The following AFF3 variants were observed in gnomAD, a reference collection of about 807,000 sequenced individuals.
AFF3 encodes ALF transcription elongation factor 3.
In AFF3, 32 loss-of-function variants were observed where a neutral mutation model predicts 129.7. The ratio of observed to expected loss-of-function variants is 0.25; its 90% confidence interval spans 0.19 to 0.33. The LOEUF is 0.33. AFF3 is among the 10% of genes least tolerant of loss of function. AFF3 has a pLI of 1.00. For missense variants in AFF3, 1,373 were observed against 1,592.0 expected (o/e 0.86, Z 2.34); for synonymous variants, 644 against 635.4 (o/e 1.01, Z -0.20).
At chr2:100,005,097 CA>C (rs1282550236) in intron 7 of AFF3, among the ~76,000 whole-genome samples, 3 of 152,126 alleles carry the variant, frequency 2.0e-5, no homozygotes, top group African/African-American at 7.2e-5. Context: ...CTCTGCTAAC[CA>C]GACACCATAC....
At chr2:99,560,314 T>A (rs1361963212) in intron 21 of AFF3, 51 bp downstream of exon 21, 2 of 1,584,582 alleles carry the variant, frequency 1.3e-6, no homozygotes. Flanking sequence ...GGTTTGCCAA[T>A]GATGGCATGC....
chr2:99,912,847 C>T (rs186534573), intron 7 of AFF3, among the ~76,000 whole-genome samples: 21 of 152,310 alleles, frequency 1.4e-4, no homozygotes, highest in Admixed American at 7.8e-4. Context: ...CTTTGTTACA[C>T]GGCAATAGCT....
intron 1 of AFF3, among the ~76,000 whole-genome samples, chr2:100,135,760 G>C (rs1291044112): frequency 6.6e-6 from 1 of 152,186 alleles, no homozygotes; most frequent in Non-Finnish European, 1.5e-5. Context: ...CATATATTTT[G>C]ACTTAAGTGT....
chr2:99,970,505 G>A (rs1248585384), intron 7 of AFF3, among the ~76,000 whole-genome samples: 1 of 152,260 alleles, frequency 6.6e-6, no homozygotes, highest in South Asian at 2.1e-4. Flanking sequence ...TTCATGAGCT[G>A]GCTCAAATTC....
intron 9 of AFF3, among the ~76,000 whole-genome samples, chr2:99,745,121 A>G (rs79702182): frequency 0.027 from 4,073 of 152,262 alleles, 96 homozygotes; most frequent in Non-Finnish European, 0.04. Context: ...GTATTTCCCT[A>G]ATAACTAATG....
chr2:99,915,884 A>AAATATAAAAATATATTTTTTT (rs1469810524), intron 7 of AFF3, among the ~76,000 whole-genome samples: 1 of 152,224 alleles, frequency 6.6e-6, no homozygotes, highest in East Asian at 1.9e-4. Context: ...TCCTGCAAAA[A>AAATATAAAAATATATTTTTTT]ATATAAAACT....
intron 11 of AFF3, among the ~76,000 whole-genome samples, chr2:99,704,166 G>A (rs1295923788): frequency 6.6e-6 from 1 of 152,088 alleles, no homozygotes; most frequent in Non-Finnish European, 1.5e-5. Flanking sequence ...GATGAAAGAA[G>A]CTCATGAGAT....
Position 99,593,329 on chromosome 2 carries a change from T to A in AFF3, c.2332A>T (p.Ile778Phe), listed in dbSNP as rs377588376. 9.9e-6 allele frequency: 16 copies of A among 1,613,884 alleles called. No individual in the cohort carries two copies. Among genetic ancestry groups the A allele is most frequent in the Non-Finnish European group, 1.4e-5 (16 of 1,179,972 alleles). ...GGCTCCTGGGGCAGGTGTTCTGGGATCCTGGACAGGAGGGTCAGGTCGATT... is the reference window on the plus strand; with the variant it reads ...GGCTCCTGGGGCAGGTGTTCTGGGAACCTGGACAGGAGGGTCAGGTCGATT... ...VKIDLTLLSR[I>F]PEHLPQEPGV... The change falls in exon 15 of 25, where the codon ATC becomes TTC. Residue 778 changes from isoleucine to phenylalanine, a missense_variant. By Grantham distance (21) the Ile-to-Phe change is conservative. Coordinates refer to ENST00000672756, the MANE Select transcript of AFF3 (RefSeq NM_001386135.1).
intron 8 of AFF3, among the ~76,000 whole-genome samples, chr2:99,820,808 A>G (rs1382956154): frequency 2.9e-5 from 4 of 137,096 alleles, no homozygotes; most frequent in Non-Finnish European, 4.9e-5. Flanking sequence ...TCACAAACAT[A>G]CATATTAGCC....
intron 4 of AFF3, among the ~76,000 whole-genome samples, chr2:100,057,015 A>C (rs144451088): frequency 2.3e-3 from 353 of 152,262 alleles, no homozygotes; most frequent in South Asian, 0.012. Context: ...AGAGAAAACT[A>C]TTTCTGTTGA....
intron 11 of AFF3, among the ~76,000 whole-genome samples, chr2:99,711,236 A>G (rs1408529966): frequency 6.6e-6 from 1 of 152,078 alleles, no homozygotes; most frequent in Non-Finnish European, 1.5e-5. Flanking sequence ...CTCCAAGAGG[A>G]TCTGGAGCAG....
chr2:99,803,196 T>C (rs1686088704), intron 8 of AFF3, among the ~76,000 whole-genome samples: 1 of 152,234 alleles, frequency 6.6e-6, no homozygotes, highest in African/African-American at 2.4e-5. Context: ...ATTCTGTTTC[T>C]ATTATCATAT....
intron 13 of AFF3, among the ~76,000 whole-genome samples, chr2:99,608,535 C>T (rs546427887): frequency 2.0e-4 from 30 of 152,248 alleles, no homozygotes; most frequent in Admixed American, 1.0e-3. Context: ...TGAGAACCCA[C>T]GGGGGCCACG....
chr2:99,825,016 T>TG, intron 8 of AFF3, among the ~76,000 whole-genome samples: 1 of 152,332 alleles, frequency 6.6e-6, no homozygotes, highest in East Asian at 1.9e-4. Flanking sequence ...GGGAGCATGC[T>TG]GGAAGAGTTC....
At chr2:99,838,636 C>T (rs1689077916) in intron 7 of AFF3, among the ~76,000 whole-genome samples, 1 of 152,180 alleles carries the variant, frequency 6.6e-6, no homozygotes, top group African/African-American at 2.4e-5. Context: ...AGCAATATCT[C>T]CTCCCTCTAA....
chr2:99,947,803 T>TA (rs1675780851), intron 7 of AFF3, among the ~76,000 whole-genome samples: 1 of 151,864 alleles, frequency 6.6e-6, no homozygotes, highest in Non-Finnish European at 1.5e-5. Flanking sequence ...TGTGTGGAGA[T>TA]AAGAGGGTTG....
chr2:99,901,269 C>A (rs933354560), intron 7 of AFF3, among the ~76,000 whole-genome samples: 3 of 152,180 alleles, frequency 2.0e-5, no homozygotes, highest in Non-Finnish European at 4.4e-5. Context: ...GTATTTTGAG[C>A]CTGCTCTTTC....
At chr2:99,570,346 GT>G (rs1676359755) in intron 18 of AFF3, among the ~76,000 whole-genome samples, 1 of 152,086 alleles carries the variant, frequency 6.6e-6, no homozygotes. Flanking sequence ...TATTTTTGTT[GT>G]TGTTTTTTGA....
At chr2:99,929,335 T>C (rs1696505890) in intron 7 of AFF3, among the ~76,000 whole-genome samples, 1 of 135,240 alleles carries the variant, frequency 7.4e-6, no homozygotes, top group Non-Finnish European at 1.5e-5. Flanking sequence ...CTCAAAAGAA[T>C]AAATAAATAA....
Sources: gnomAD v4.1 joint callset for allele counts (sites outside exome capture counted in the v4.1 genomes callset) on GRCh38, gnomAD v4.1.1 for gene constraint, MANE v1.5 for transcripts, NCBI Gene and HGNC (gene_info 2026-07-23, HGNC 2026-07-21) for gene names.